The following GPC6 variants were observed in gnomAD, a reference collection of about 807,000 sequenced individuals.
The protein encoded by GPC6 is glypican-6.
Under a neutral mutation model 55.2 loss-of-function variants are expected in GPC6, and 14 were observed. That is an observed-to-expected ratio of 0.25 (90% CI 0.17 to 0.40). The LOEUF (loss-of-function observed/expected upper bound fraction) is 0.40, where lower values mean the gene tolerates loss of function less well. Among genes scored for constraint, GPC6 ranks in the 10% least tolerant of loss-of-function variants. The pLI is 1.00. For missense variants in GPC6, 641 were observed against 708.5 expected (o/e 0.90, Z 1.08); for synonymous variants, 278 against 259.6 (o/e 1.07, Z -0.68).
chr13:93,959,994 G>A (rs1014718354), intron 3 of GPC6, among the ~76,000 whole-genome samples: 5 of 152,256 alleles, frequency 3.3e-5, no homozygotes, highest in Admixed American at 6.5e-5. Flanking sequence ...CTAGCCTCAT[G>A]AGGGAAAGAA....
At chr13:93,819,639 T>A (rs568466157) in intron 2 of GPC6, among the ~76,000 whole-genome samples, 1 of 152,298 alleles carries the variant, frequency 6.6e-6, no homozygotes, top group East Asian at 1.9e-4. Flanking sequence ...TGCGAAAGCA[T>A]CTCAGCTTTT....
At chr13:93,475,901 T>G (rs1303239364) in intron 1 of GPC6, among the ~76,000 whole-genome samples, 1 of 152,106 alleles carries the variant, frequency 6.6e-6, no homozygotes. Context: ...GTATAATTCA[T>G]GATATTGCTA....
intron 3 of GPC6, among the ~76,000 whole-genome samples, chr13:93,951,265 G>T (rs933234483): frequency 6.6e-6 from 1 of 151,996 alleles, no homozygotes; most frequent in Non-Finnish European, 1.5e-5. Flanking sequence ...ACCTTGCCCA[G>T]ATCAGTTTAA....
chr13:94,295,442 G>A (rs997629812), intron 5 of GPC6, among the ~76,000 whole-genome samples: 6 of 152,256 alleles, frequency 3.9e-5, no homozygotes, highest in Middle Eastern at 3.4e-3. Context: ...AGCACCTAAG[G>A]TCGGAAGATC....
intron 1 of GPC6, among the ~76,000 whole-genome samples, chr13:93,274,234 A>G (rs984320305): frequency 2.0e-5 from 3 of 152,194 alleles, no homozygotes; most frequent in African/African-American, 7.2e-5. Flanking sequence ...ACTAAACATG[A>G]ACTACATTTA....
intron 2 of GPC6, among the ~76,000 whole-genome samples, chr13:93,802,831 A>G (rs1366495368): frequency 1.3e-5 from 2 of 152,220 alleles, no homozygotes; most frequent in Non-Finnish European, 2.9e-5. Context: ...TGAGAGAGAA[A>G]TAATTCCTAG....
intron 1 of GPC6, among the ~76,000 whole-genome samples, chr13:93,434,140 G>A (rs950352658): frequency 6.6e-6 from 1 of 152,184 alleles, no homozygotes; most frequent in East Asian, 1.9e-4. Context: ...TGGTGTCGGA[G>A]TGTCATGTTG....
intron 3 of GPC6, among the ~76,000 whole-genome samples, chr13:93,891,652 A>G (rs981501412): frequency 8.9e-5 from 13 of 146,774 alleles, no homozygotes; most frequent in East Asian, 1.9e-4. Flanking sequence ...CACACACACT[A>G]TGTACACACA....
At chr13:94,190,410 G>A (rs1889353044) in intron 4 of GPC6, among the ~76,000 whole-genome samples, 1 of 152,136 alleles carries the variant, frequency 6.6e-6, no homozygotes, top group Non-Finnish European at 1.5e-5. Context: ...AAATACAGCA[G>A]CATTCTCCAG....
chr13:94,024,351 T>C (rs879173156), intron 3 of GPC6, among the ~76,000 whole-genome samples: 6 of 152,194 alleles, frequency 3.9e-5, no homozygotes, highest in Admixed American at 1.3e-4. Context: ...AAAGAGTATC[T>C]ATTGTGCAAT....
intron 1 of GPC6, among the ~76,000 whole-genome samples, chr13:93,411,127 G>T (rs1876480122): frequency 6.6e-6 from 1 of 152,188 alleles, no homozygotes; most frequent in African/African-American, 2.4e-5. Flanking sequence ...CTCGAAGGCT[G>T]GTCGAGTCCA....
intron 4 of GPC6, among the ~76,000 whole-genome samples, chr13:94,244,981 A>T (rs1223020446): frequency 6.6e-6 from 1 of 152,088 alleles, no homozygotes; most frequent in East Asian, 1.9e-4. Context: ...ACAAATAAAC[A>T]CAGCTACCAT....
At chr13:94,202,455 A>G (rs2138977697) in intron 4 of GPC6, among the ~76,000 whole-genome samples, 1 of 152,332 alleles carries the variant, frequency 6.6e-6, no homozygotes, top group East Asian at 1.9e-4. Context: ...CAGACAAGAA[A>G]GAATGAGAGC....
chr13:93,577,241 T>A (rs1364046522), intron 2 of GPC6, among the ~76,000 whole-genome samples: 1 of 152,134 alleles, frequency 6.6e-6, no homozygotes, highest in East Asian at 1.9e-4. Context: ...CTTCCAAAAA[T>A]GCCCACGGGT....
At chr13:93,732,218 C>T (rs1345525929) in intron 2 of GPC6, among the ~76,000 whole-genome samples, 1 of 152,102 alleles carries the variant, frequency 6.6e-6, no homozygotes, top group Admixed American at 6.6e-5. Context: ...AGGAGGCCGG[C>T]TCCTTGCTGC....
chr13:94,042,400 A>G (rs1471049322), intron 4 of GPC6, among the ~76,000 whole-genome samples: 4 of 151,888 alleles, frequency 2.6e-5, no homozygotes, highest in Admixed American at 6.6e-5. Context: ...AGAAATTGAT[A>G]TAATACTATT....
At chr13:93,217,072 GCCAAAGT>G in the GPC6 span, among the ~76,000 whole-genome samples, 3 of 152,052 alleles carry the variant, frequency 2.0e-5, no homozygotes, top group Non-Finnish European at 2.9e-5. Flanking sequence ...AAATCTTCTT[GCCAAAGT>G]CCAAAGACTT....
chr13:93,872,529 T>C (rs2140302659), intron 3 of GPC6, among the ~76,000 whole-genome samples: 1 of 152,096 alleles, frequency 6.6e-6, no homozygotes, highest in East Asian at 2.0e-4. Context: ...GCTGCGATTC[T>C]TCTTGGAGGC....
intron 3 of GPC6, among the ~76,000 whole-genome samples, chr13:93,924,101 A>G (rs1877720437): frequency 1.3e-5 from 2 of 152,334 alleles, no homozygotes; most frequent in South Asian, 2.1e-4. Context: ...TCTACTGGCA[A>G]CTTTCTAAAT....
Sources: allele counts gnomAD v4.1 joint callset (sites outside exome capture counted in the v4.1 genomes callset), GRCh38; gene constraint gnomAD v4.1.1; transcripts MANE v1.5; gene names NCBI Gene and HGNC (gene_info 2026-07-23, HGNC 2026-07-21).